Variants in CABLES1 observed in about 807,000 individuals in gnomAD.
CABLES1 encodes the protein Cdk5 and Abl enzyme substrate 1.
CABLES1 carries 36 observed loss-of-function variants against 57.8 expected under a neutral mutation model. The observed-to-expected ratio is 0.62, with a 90% CI of 0.48 to 0.82. CABLES1 has a LOEUF of 0.82. CABLES1 is among the 40% of genes least tolerant of loss of function. The probability of loss-of-function intolerance (pLI) is 0.00; values close to 1 mark genes in which losing one functional copy is unlikely to be tolerated. For missense variants in CABLES1, 767 were observed against 836.6 expected (o/e 0.92, Z 1.03); for synonymous variants, 374 against 363.0 (o/e 1.03, Z -0.35).
chr18:23,188,520 A>G (rs1400935141), intron 1 of CABLES1, among the ~76,000 whole-genome samples: 1 of 144,176 alleles, frequency 6.9e-6, no homozygotes, highest in Non-Finnish European at 1.5e-5. Flanking sequence ...GTTATCCTGT[A>G]TATTACAAGA....
intron 4 of CABLES1, chr18:23,227,155 T>C (rs1401158267): frequency 1.3e-5 from 2 of 152,192 alleles, no homozygotes; most frequent in Non-Finnish European, 2.9e-5. Context: ...TTCCTGAGTG[T>C]TGATCATTTT....
At chr18:23,207,335 A>AT (rs1442367451) in intron 3 of CABLES1, among the ~76,000 whole-genome samples, 1 of 152,140 alleles carries the variant, frequency 6.6e-6, no homozygotes, top group East Asian at 1.9e-4. Context: ...GTCCGTGAAC[A>AT]TTTATTATTC....
At chr18:23,227,711 G>A (rs1359964865) in intron 4 of CABLES1, among the ~76,000 whole-genome samples, 1 of 152,140 alleles carries the variant, frequency 6.6e-6, no homozygotes, top group Non-Finnish European at 1.5e-5. Context: ...GACTTGTGTC[G>A]TCGACTTCCG....
chr18:23,180,797 C>G lies in CABLES1; in HGVS notation c.846-8041C>G, dbSNP rs539638205. Among the ~76,000 whole-genome samples the G allele has an allele frequency of 1.3e-4, 20 of 152,300 alleles. No individual in the cohort carries two copies. In the South Asian group the frequency reaches 4.1e-3, roughly 32 times the overall value. On this transcript the variant is annotated intron_variant, in intron 1 of 9. Transcript: ENST00000256925. ...CCTACTTTTTAGGACACCTTTTCTG[C>G]ATGAGCTGAACACCATTTCAAGAGC...
intron 3 of CABLES1, among the ~76,000 whole-genome samples, chr18:23,212,835 C>T (rs2071128673): frequency 6.6e-6 from 1 of 152,096 alleles, no homozygotes; most frequent in African/African-American, 2.4e-5. Context: ...TTCTGAGCTA[C>T]GTTTGGAAGA....
intron 3 of CABLES1, among the ~76,000 whole-genome samples, chr18:23,195,600 G>A (rs1159457093): frequency 3.3e-5 from 5 of 152,152 alleles, no homozygotes; most frequent in African/African-American, 1.2e-4. Context: ...TATAAGGACA[G>A]GGAACATGAT....
intron 1 of CABLES1, among the ~76,000 whole-genome samples, chr18:23,146,693 G>A (rs1418031786): frequency 1.3e-5 from 2 of 152,162 alleles, no homozygotes; most frequent in Non-Finnish European, 2.9e-5. Context: ...AGCTTAAGAA[G>A]TACTTTTTTA....
chr18:23,227,454 G>T (rs996511893), intron 4 of CABLES1, among the ~76,000 whole-genome samples: 1 of 152,204 alleles, frequency 6.6e-6, no homozygotes, highest in Non-Finnish European at 1.5e-5. Context: ...CCCCTTCATT[G>T]TCTGCCAGTT....
chr18:23,240,690 A>G (rs111910033), intron 7 of CABLES1, among the ~76,000 whole-genome samples: 2,060 of 152,308 alleles, frequency 0.014, 48 homozygotes, highest in East Asian at 0.076. Context: ...CCAAAGCCCC[A>G]GAGTCCTGCT....
At chr18:23,219,111 G>C in intron 4 of CABLES1, 1 of 450,968 alleles carries the variant, frequency 2.2e-6, no homozygotes. Flanking sequence ...GGCTACCATT[G>C]TACAGCAGAA....
intron 3 of CABLES1, among the ~76,000 whole-genome samples, chr18:23,204,968 A>G (rs1169333117): frequency 1.3e-5 from 2 of 152,328 alleles, no homozygotes; most frequent in Non-Finnish European, 2.9e-5. Flanking sequence ...GCCAAACCCT[A>G]TCGGCAGTTC....
intron 4 of CABLES1, among the ~76,000 whole-genome samples, chr18:23,234,382 G>C (rs2047587447): frequency 6.6e-6 from 1 of 152,222 alleles, no homozygotes; most frequent in Admixed American, 6.5e-5. Context: ...TAAACCATCA[G>C]CTTCATCTTC....
In CABLES1 at chr18:23,182,037, G is replaced by T. The variant is rs112830958; in HGVS notation, c.846-6801G>T. 3.3e-5 allele frequency among the ~76,000 whole-genome samples: 5 copies of T among 152,282 alleles called. 1 individual carries two copies. The South Asian group carries it at 1.0e-3, about 32-fold the overall frequency. ...GCCCAGCGTGCAGCCAGGAAGGGGG[G>T]TACACCCATGGGGAACACTAGAGCC... On this transcript the variant is annotated intron_variant, in intron 1 of 9. Coordinates refer to ENST00000256925, the MANE Select transcript of CABLES1 (RefSeq NM_001100619.3).
chr18:23,150,974 CTTTA>C lies in CABLES1; in HGVS notation c.845+14370_845+14373del, dbSNP rs2144961175. The stretch of plus-strand genomic sequence containing the variant: ...TCATAACGCTAAGAGCTCTCATTGT[CTTTA>C]TTAGAAGCCGCTGGGGAGCACAGTG... On this transcript the variant is annotated intron_variant, in intron 1 of 9. Coordinates refer to ENST00000256925, the MANE Select transcript of CABLES1 (RefSeq NM_001100619.3). Among the ~76,000 whole-genome samples the C allele has an allele frequency of 1.4e-5, 2 of 146,494 alleles. 1 individual carries two copies. The highest frequency in any genetic ancestry group is 4.1e-4 in the East Asian group (2 of 4,914).
chr18:23,196,284 C>T lies in CABLES1; in HGVS notation c.1010+1744C>T, dbSNP rs2047281839. Among the ~76,000 whole-genome samples, 3 of 152,128 alleles carry T rather than the reference C, an allele frequency of 2.0e-5. No homozygotes were observed. In the South Asian group the frequency reaches 6.2e-4, roughly 32 times the overall value. Reference sequence around the variant, plus strand: ...TTGGAATTTAGGGCAGGAAAGAAAGCTCTAGGGCCTGTGTGGGAACCGCAG... The same window carrying T: ...TTGGAATTTAGGGCAGGAAAGAAAGTTCTAGGGCCTGTGTGGGAACCGCAG... On this transcript the variant is annotated intron_variant, in intron 3 of 9. Coordinates refer to ENST00000256925, the MANE Select transcript of CABLES1 (RefSeq NM_001100619.3).
intron 1 of CABLES1, among the ~76,000 whole-genome samples, chr18:23,176,926 G>A (rs1350421462): frequency 1.3e-5 from 2 of 152,000 alleles, no homozygotes; most frequent in East Asian, 1.9e-4. Flanking sequence ...TGAAGGGTCC[G>A]GTAAACACCA....
At chr18:23,190,587 C>CCTTG (rs2047235375) in intron 2 of CABLES1, 1 of 152,224 alleles carries the variant, frequency 6.6e-6, no homozygotes, top group Non-Finnish European at 1.5e-5. Context: ...TCCACCCAGA[C>CCTTG]TGGTCCTCAG....
intron 1 of CABLES1, among the ~76,000 whole-genome samples, chr18:23,138,915 AG>A (rs1314747301): frequency 6.6e-6 from 1 of 152,192 alleles, no homozygotes; most frequent in Non-Finnish European, 1.5e-5. Context: ...CTTCACTGGG[AG>A]CAGTTAGAAA....
intron 1 of CABLES1, among the ~76,000 whole-genome samples, chr18:23,142,432 G>C (rs1598795136): frequency 6.6e-6 from 1 of 152,158 alleles, no homozygotes; most frequent in Admixed American, 6.5e-5. Context: ...ATGATCTGTA[G>C]TAACCTCTAT....
Sources: gnomAD v4.1 joint callset for allele counts (sites outside exome capture counted in the v4.1 genomes callset) on GRCh38, gnomAD v4.1.1 for gene constraint, MANE v1.5 for transcripts, NCBI Gene and HGNC (gene_info 2026-07-23, HGNC 2026-07-21) for gene names.